Variants in ARHGAP44 observed in about 807,000 individuals in gnomAD.
ARHGAP44 encodes the protein rho GTPase-activating protein 44.
A neutral mutation model predicts 106.8 loss-of-function variants in ARHGAP44; 43 were observed. That is an observed-to-expected ratio of 0.40 (90% CI 0.32 to 0.52). ARHGAP44 has a LOEUF of 0.52. ARHGAP44 is among the 20% of genes least tolerant of loss of function. The pLI is 0.48. For missense variants in ARHGAP44, 866 were observed against 1,050.5 expected, an observed-to-expected ratio of 0.82 and a Z score of 2.43; for synonymous variants, 439 against 410.3, an observed-to-expected ratio of 1.07 and a Z score of -0.85.
intron 1 of ARHGAP44, among the ~76,000 whole-genome samples, chr17:12,878,292 A>G (rs8076181): frequency 0.05 from 7,546 of 151,866 alleles, 277 homozygotes; most frequent in African/African-American, 0.092. Flanking sequence ...AAACGCTGCC[A>G]TGACCTAACA....
At chr17:12,834,350 C>G (rs990157411) in intron 1 of ARHGAP44, among the ~76,000 whole-genome samples, 1 of 152,070 alleles carries the variant, frequency 6.6e-6, no homozygotes, top group Non-Finnish European at 1.5e-5. Context: ...TTTACATTCT[C>G]TGCATAAGGA....
chr17:12,879,038 T>G (rs924060161), intron 1 of ARHGAP44, among the ~76,000 whole-genome samples: 3 of 152,204 alleles, frequency 2.0e-5, no homozygotes, highest in South Asian at 4.1e-4. Flanking sequence ...GTTACATGAA[T>G]AAGTTCATTA....
At chr17:12,928,865 T>G in intron 6 of ARHGAP44, 64 bp from the exon 7 acceptor site, 1 of 1,394,942 alleles carries the variant, frequency 7.2e-7, no homozygotes, top group South Asian at 1.3e-5. Context: ...GTTTTCTCAG[T>G]GCTCCCATGG....
At chr17:12,898,149 C>G (rs1170324235) in intron 3 of ARHGAP44, among the ~76,000 whole-genome samples, 1 of 152,046 alleles carries the variant, frequency 6.6e-6, no homozygotes, top group African/African-American at 2.4e-5. Context: ...GACTGTGGGC[C>G]AGAGCCTTTG....
At chr17:12,881,291 T>C (rs149339835) in intron 1 of ARHGAP44, among the ~76,000 whole-genome samples, 2 of 152,280 alleles carry the variant, frequency 1.3e-5, no homozygotes, top group East Asian at 3.9e-4. Context: ...CGTTTTAATA[T>C]CTCACCTTTT....
chr17:12,928,311 A>G (rs1567692208), intron 6 of ARHGAP44, among the ~76,000 whole-genome samples: 1 of 152,182 alleles, frequency 6.6e-6, no homozygotes, highest in African/African-American at 2.4e-5. Flanking sequence ...GGATTTCCAT[A>G]CTCAAATTCC....
intron 1 of ARHGAP44, among the ~76,000 whole-genome samples, chr17:12,836,296 G>A (rs1004538543): frequency 2.0e-5 from 3 of 152,140 alleles, no homozygotes; most frequent in Admixed American, 6.5e-5. Flanking sequence ...GAAAGGTGGA[G>A]TGTATTTATT....
At chr17:12,954,826 C>A (rs1427276312) in intron 13 of ARHGAP44, among the ~76,000 whole-genome samples, 1 of 152,048 alleles carries the variant, frequency 6.6e-6, no homozygotes, top group East Asian at 1.9e-4. Flanking sequence ...TTCTATATAG[C>A]TTCTTTGTTG....
At chr17:12,938,774 T>C (rs1035284055) in intron 7 of ARHGAP44, among the ~76,000 whole-genome samples, 9 of 152,130 alleles carry the variant, frequency 5.9e-5, no homozygotes, top group African/African-American at 2.2e-4. Flanking sequence ...TTTAGATAAA[T>C]GAGAATTTGA....
rs118120850 is a variant in ARHGAP44 at position 12,972,952 on chromosome 17, C to T, written c.1524-350C>T. 1,190 of 197,252 alleles carry T rather than the reference C, an allele frequency of 6.0e-3. 6 individuals carry two copies. The highest frequency in any genetic ancestry group is 9.2e-3 in the Non-Finnish European group (896 of 97,636). The allele number at this position is 197,252 out of a possible 1,614,324, so 12.2% of individuals were successfully genotyped here. On this transcript the variant is annotated intron_variant, in intron 16 of 20. Coordinates refer to ENST00000379672, the MANE Select transcript of ARHGAP44 (RefSeq NM_014859.6). ...CTGGGATTACAGATGTGAGCCATGG[C>T]GCCTGGTCATAAATAAGTAAAATGT... is the stretch of plus-strand genomic sequence containing the variant.
rs146485852 is a variant in ARHGAP44 at position 12,884,638 on chromosome 17, A to C, written c.54-10302A>C. Reference sequence around the variant, plus strand: ...GTAACCTCCACCACAAACGAATTACAGAACAATTCTGTTACCTCAAAAAGT... The same window carrying C: ...GTAACCTCCACCACAAACGAATTACCGAACAATTCTGTTACCTCAAAAAGT... On this transcript the variant is annotated intron_variant, in intron 1 of 20. Coordinates refer to ENST00000379672, the MANE Select transcript of ARHGAP44 (RefSeq NM_014859.6). Among the ~76,000 whole-genome samples the C allele has an allele frequency of 3.8e-3, 582 of 152,288 alleles. 3 individuals are homozygous for C. The highest frequency in any genetic ancestry group is 0.013 in the African/African-American group (534 of 41,556).
intron 4 of ARHGAP44, among the ~76,000 whole-genome samples, chr17:12,909,653 A>G (rs2037665897): frequency 6.6e-6 from 1 of 152,190 alleles, no homozygotes; most frequent in Admixed American, 6.5e-5. Flanking sequence ...GAAGGGAATG[A>G]AGTGCAGAGA....
chr17:12,951,437 G>A (rs1354582066), intron 12 of ARHGAP44, among the ~76,000 whole-genome samples: 1 of 152,162 alleles, frequency 6.6e-6, no homozygotes, highest in East Asian at 1.9e-4. Context: ...ACAAGAATGT[G>A]GTCCTAGGGA....
At position 12,983,348 on chromosome 17, in the gene ARHGAP44, C is replaced by A. The variant is rs142155217; in HGVS notation, c.1940-1183C>A. ...CCTAACAGGTTAGTGATCACTCTCT[C>A]AAGATATTTGCCCATCAAGTATCTC... On this transcript the variant is annotated intron_variant, in intron 19 of 20. Coordinates refer to ENST00000379672, the MANE Select transcript of ARHGAP44 (RefSeq NM_014859.6). Among the ~76,000 whole-genome samples the A allele has an allele frequency of 3.9e-3, 591 of 151,150 alleles. 2 individuals carry two copies. The highest frequency in any genetic ancestry group is 6.6e-3 in the Non-Finnish European group (450 of 67,802).
rs376053575 is a variant in ARHGAP44, at chr17:12,980,226, C to T, written c.1932C>T (p.Leu644=). ...QPPADQSPHT[L]RKVSKKLAPI... ...CTGCAGACCAGAGTCCTCACACCCT[C>T]CGGAAAGGTATGGCCCTGCTTCCCT... The change falls in exon 19 of 21, where the codon CTC becomes CTT. Residue 644 remains leucine (L), a synonymous_variant. Coordinates refer to ENST00000379672, the MANE Select transcript of ARHGAP44 (RefSeq NM_014859.6). 7.4e-6 allele frequency: 12 copies of T among 1,611,470 alleles called. No individual in the cohort carries two copies. Among genetic ancestry groups the T allele is most frequent in the Non-Finnish European group, 1.0e-5 (12 of 1,179,192 alleles).
intron 7 of ARHGAP44, 69 bp downstream of exon 7, chr17:12,929,115 A>C: frequency 7.2e-7 from 1 of 1,398,062 alleles, no homozygotes; most frequent in Non-Finnish European, 9.9e-7. Context: ...CTTTTTGTTC[A>C]CTGGAGTTCT....
chr17:12,928,779 A>T (rs2038319119), intron 6 of ARHGAP44, 150 bp from the exon 7 acceptor site: 1 of 586,096 alleles, frequency 1.7e-6, no homozygotes, highest in Non-Finnish European at 3.0e-6. Flanking sequence ...CTCCTTGCCT[A>T]GTCCTTGGTG....
intron 1 of ARHGAP44, among the ~76,000 whole-genome samples, chr17:12,856,658 G>T (rs745321299): frequency 6.6e-6 from 1 of 152,086 alleles, no homozygotes; most frequent in Non-Finnish European, 1.5e-5. Context: ...GTCAGACTGG[G>T]TTCCTAATCT....
At position 12,919,099 on chromosome 17, in the gene ARHGAP44, T is replaced by C. The variant is rs183042871; in HGVS notation, c.388-656T>C. Among the ~76,000 whole-genome samples the C allele has an allele frequency of 2.6e-5, 4 of 152,280 alleles. No homozygotes were observed. In the East Asian group the frequency reaches 7.7e-4, roughly 29 times the overall value. ...GACGATGGTTAATGATACTGTATTGTAGACTTGAAATTTGCTAAGAGGATA... is the reference window on the plus strand; with the variant it reads ...GACGATGGTTAATGATACTGTATTGCAGACTTGAAATTTGCTAAGAGGATA... On this transcript the variant is annotated intron_variant, in intron 5 of 20. Coordinates refer to ENST00000379672, the MANE Select transcript of ARHGAP44 (RefSeq NM_014859.6).
Sources: gnomAD v4.1 joint callset for allele counts (sites outside exome capture counted in the v4.1 genomes callset) on GRCh38, gnomAD v4.1.1 for gene constraint, MANE v1.5 for transcripts, NCBI Gene and HGNC (gene_info 2026-07-23, HGNC 2026-07-21) for gene names.